Variants in RAB10 observed in about 807,000 individuals in gnomAD.
RAB10 encodes the protein RAB10, member RAS oncogene family, also known as ras-related protein Rab-10.
A neutral mutation model predicts 25.7 loss-of-function variants in RAB10; 5 were observed. The observed-to-expected ratio is 0.19, with a 90% confidence interval of 0.10 to 0.41. RAB10 has a LOEUF of 0.41. RAB10 is among the 10% of genes least tolerant of loss of function. The pLI is 1.00. For missense variants in RAB10, 103 were observed against 245.8 expected, an observed-to-expected ratio of 0.42 and a Z score of 3.89; for synonymous variants, 89 against 86.4, an observed-to-expected ratio of 1.03 and a Z score of -0.16.
intron 1 of RAB10, among the ~76,000 whole-genome samples, chr2:26,061,370 G>T (rs1015624529): frequency 4.0e-5 from 6 of 151,758 alleles, no homozygotes; most frequent in African/African-American, 1.5e-4. Context: ...GCCCACCTGT[G>T]CCTCCCAAAG....
At chr2:26,107,003 T>C (rs2149282962) in intron 2 of RAB10, among the ~76,000 whole-genome samples, 1 of 152,118 alleles carries the variant, frequency 6.6e-6, no homozygotes, top group African/African-American at 2.4e-5. Context: ...CCCAGCACTT[T>C]GGGAAGCTGA....
At chr2:26,056,466 G>A (rs1222010425) in intron 1 of RAB10, among the ~76,000 whole-genome samples, 1 of 152,136 alleles carries the variant, frequency 6.6e-6, no homozygotes, top group East Asian at 1.9e-4. Flanking sequence ...CAAAGTGCTG[G>A]GATTACAGGT....
intron 1 of RAB10, among the ~76,000 whole-genome samples, chr2:26,069,371 T>C (rs1666578047): frequency 6.6e-6 from 1 of 152,186 alleles, no homozygotes; most frequent in Non-Finnish European, 1.5e-5. Context: ...CTGAGGATAA[T>C]AGAAGGGCAT....
intron 3 of RAB10, among the ~76,000 whole-genome samples, chr2:26,122,380 G>A (rs2149288084): frequency 6.6e-6 from 1 of 152,300 alleles, no homozygotes; most frequent in East Asian, 1.9e-4. Context: ...TGTAATCCCA[G>A]CACTTTGGGA....
chr2:26,088,687 CA>C (rs1667039283), intron 1 of RAB10, among the ~76,000 whole-genome samples: 1 of 152,158 alleles, frequency 6.6e-6, no homozygotes, highest in African/African-American at 2.4e-5. Context: ...GATCTCGTCT[CA>C]CTGCAACCTC....
At chr2:26,079,771 T>G (rs1357451310) in intron 1 of RAB10, among the ~76,000 whole-genome samples, 2 of 152,072 alleles carry the variant, frequency 1.3e-5, no homozygotes, top group Non-Finnish European at 2.9e-5. Context: ...GCTCAAGTGA[T>G]CCTCTTGCCT....
chr2:26,066,777 A>ATTTTTTTTTTT (rs3065544), intron 1 of RAB10, among the ~76,000 whole-genome samples: 36 of 110,236 alleles, frequency 3.3e-4, no homozygotes, highest in African/African-American at 1.2e-3. Flanking sequence ...CATGCCATCA[A>ATTTTTTTTTTT]TTTTTTTTTT....
At chr2:26,122,904 A>AG (rs1667835268) in intron 3 of RAB10, among the ~76,000 whole-genome samples, 1 of 151,990 alleles carries the variant, frequency 6.6e-6, no homozygotes, top group South Asian at 2.1e-4. Context: ...GGTGGCAGGG[A>AG]GGGGGGCAGG....
chr2:26,050,161 G>A (rs751988071), intron 1 of RAB10, among the ~76,000 whole-genome samples: 1 of 152,144 alleles, frequency 6.6e-6, no homozygotes, highest in Non-Finnish European at 1.5e-5. Context: ...TTTGCTAAAA[G>A]GGTACATGGT....
intron 1 of RAB10, among the ~76,000 whole-genome samples, chr2:26,037,949 T>G (rs1449052945): frequency 6.6e-6 from 1 of 151,462 alleles, no homozygotes; most frequent in Admixed American, 6.6e-5. Flanking sequence ...TGCAATGGTG[T>G]GATCTCGGCT....
In RAB10 at chr2:26,034,133, C is replaced by T. The variant is rs866507829; in HGVS notation, c.-476C>T. The T allele has an allele frequency of 1.7e-5, 7 of 404,850 alleles. No homozygotes were observed. Among genetic ancestry groups the T allele is most frequent in the Non-Finnish European group, 3.1e-5 (7 of 229,164 alleles). The allele number at this position is 404,850 out of a possible 1,614,324, so 25.1% of individuals were successfully genotyped here. Reference sequence around the variant, plus strand: ...GTGAGAGGGCACGGGGAAAAGGTGGCTCTGGCCGGGGTGGCTCGGTTTCCT... The same window carrying T: ...GTGAGAGGGCACGGGGAAAAGGTGGTTCTGGCCGGGGTGGCTCGGTTTCCT... On this transcript the variant is annotated 5_prime_UTR_variant, in exon 1 of 6. Transcript: ENST00000264710.
intron 3 of RAB10, among the ~76,000 whole-genome samples, chr2:26,115,467 T>C (rs1275741549): frequency 1.3e-5 from 2 of 152,156 alleles, no homozygotes; most frequent in Non-Finnish European, 2.9e-5. Context: ...GAAAACCTTA[T>C]GAAAGAAGCC....
intron 1 of RAB10, among the ~76,000 whole-genome samples, chr2:26,048,434 TGTG>T (rs1190695118): frequency 6.6e-6 from 1 of 152,200 alleles, no homozygotes; most frequent in African/African-American, 2.4e-5. Context: ...ATAATCTCAT[TGTG>T]GTTTTTAATT....
chr2:26,106,059 A>G (rs1667458667), intron 2 of RAB10, among the ~76,000 whole-genome samples: 1 of 152,246 alleles, frequency 6.6e-6, no homozygotes, highest in African/African-American at 2.4e-5. Flanking sequence ...ATATATAAAG[A>G]GGAAATAGCT....
At chr2:26,038,749 C>G (rs1243528543) in intron 1 of RAB10, among the ~76,000 whole-genome samples, 1 of 151,176 alleles carries the variant, frequency 6.6e-6, no homozygotes, top group Non-Finnish European at 1.5e-5. Flanking sequence ...GGTGAAACTT[C>G]GTCTCTACTA....
intron 1 of RAB10, among the ~76,000 whole-genome samples, chr2:26,036,193 G>C (rs1242267140): frequency 4.6e-5 from 7 of 152,148 alleles, no homozygotes; most frequent in African/African-American, 1.7e-4. Context: ...CCTAATGCTG[G>C]GCACTGTTTT....
At chr2:26,049,081 C>G (rs988189932) in intron 1 of RAB10, among the ~76,000 whole-genome samples, 36 of 151,974 alleles carry the variant, frequency 2.4e-4, no homozygotes. Context: ...CATCATAGAT[C>G]CCAAATATTT....
intron 1 of RAB10, among the ~76,000 whole-genome samples, chr2:26,066,262 A>G (rs1666511041): frequency 6.6e-6 from 1 of 152,202 alleles, no homozygotes; most frequent in Non-Finnish European, 1.5e-5. Context: ...CCAGTGGACA[A>G]GAAAACTTGG....
At position 26,112,331 on chromosome 2, in the gene RAB10, G is replaced by T. The variant is rs373651735; in HGVS notation, c.327+2425G>T. ...GAAATTTCCAATCCTCTTATCACTT[G>T]GTTGGTTCCTCTGGAGACCAGCCCC... On this transcript the variant is annotated intron_variant, in intron 3 of 5. Coordinates refer to ENST00000264710, the MANE Select transcript of RAB10 (RefSeq NM_016131.5). Among the ~76,000 whole-genome samples, 31 of 152,198 alleles carry T rather than the reference G, an allele frequency of 2.0e-4. No homozygotes were observed. The East Asian group carries it at 4.6e-3, about 23-fold the overall frequency.
Sources: allele counts gnomAD v4.1 joint callset (sites outside exome capture counted in the v4.1 genomes callset), GRCh38; gene constraint gnomAD v4.1.1; transcripts MANE v1.5; gene names NCBI Gene and HGNC (gene_info 2026-07-23, HGNC 2026-07-21).